Variants in B3GALT1 observed in about 807,000 individuals in gnomAD.
The protein encoded by B3GALT1 is beta-1,3-galactosyltransferase 1, also known as UDP-Gal:betaGlcNAc beta 1,3-galactosyltransferase, polypeptide 1.
In B3GALT1, 10 loss-of-function variants were observed where a neutral mutation model predicts 23.2. The ratio of observed to expected loss-of-function variants is 0.43; its 90% CI spans 0.27 to 0.73. The LOEUF (loss-of-function observed/expected upper bound fraction) is 0.73. Ranked by LOEUF, B3GALT1 falls within the 30% of genes least tolerant of loss-of-function variation. The pLI is 0.21. For missense variants in B3GALT1, 299 were observed against 405.4 expected (o/e 0.74, Z 2.25); for synonymous variants, 156 against 141.5 (o/e 1.10, Z -0.73).
chr2:167,766,193 GAACCAGTGTAA>G (rs1287627623), intron 3 of B3GALT1, among the ~76,000 whole-genome samples: 5 of 152,154 alleles, frequency 3.3e-5, no homozygotes, highest in Non-Finnish European at 7.4e-5. Context: ...ATCAAAGTTG[GAACCAGTGTAA>G]AATAAAGGAC....
chr2:167,656,128 C>G (rs1685952058), intron 3 of B3GALT1, among the ~76,000 whole-genome samples: 1 of 152,042 alleles, frequency 6.6e-6, no homozygotes, highest in Non-Finnish European at 1.5e-5. Context: ...TATGTGAGGA[C>G]AGAATGTTGG....
At chr2:167,652,656 T>C (rs1018160863) in intron 3 of B3GALT1, among the ~76,000 whole-genome samples, 1 of 152,140 alleles carries the variant, frequency 6.6e-6, no homozygotes, top group Non-Finnish European at 1.5e-5. Flanking sequence ...TGGTACATCT[T>C]ATGGTGCCCT....
intron 4 of B3GALT1, among the ~76,000 whole-genome samples, chr2:167,823,398 G>A (rs1250578126): frequency 6.6e-6 from 1 of 152,124 alleles, no homozygotes; most frequent in Non-Finnish European, 1.5e-5. Flanking sequence ...AAATTAAACT[G>A]AGTTGGTGCC....
intron 3 of B3GALT1, among the ~76,000 whole-genome samples, chr2:167,816,863 G>A (rs1489433555): frequency 6.6e-6 from 1 of 152,128 alleles, no homozygotes; most frequent in Non-Finnish European, 1.5e-5. Flanking sequence ...GGTTCATGCA[G>A]ACTAAAAACT....
chr2:167,534,793 T>C (rs1683387618), intron 2 of B3GALT1, among the ~76,000 whole-genome samples: 1 of 152,194 alleles, frequency 6.6e-6, no homozygotes, highest in South Asian at 2.1e-4. Context: ...TTGTGAAGCA[T>C]TGTTAGTACC....
At chr2:167,448,886 T>A (rs1699044199) in intron 1 of B3GALT1, among the ~76,000 whole-genome samples, 1 of 152,212 alleles carries the variant, frequency 6.6e-6, no homozygotes, top group African/African-American at 2.4e-5. Flanking sequence ...TTTTGTTGGC[T>A]TTTTCTAAGA....
At chr2:167,866,895 G>A (rs1480733921) in intron 4 of B3GALT1, among the ~76,000 whole-genome samples, 1 of 152,176 alleles carries the variant, frequency 6.6e-6, no homozygotes, top group Non-Finnish European at 1.5e-5. Context: ...TTTTGTAATT[G>A]AAATGGAGTC....
At chr2:167,597,154 C>T (rs1211229026) in intron 2 of B3GALT1, among the ~76,000 whole-genome samples, 4 of 145,984 alleles carry the variant, frequency 2.7e-5, no homozygotes, top group African/African-American at 1.0e-4. Context: ...CTCTCTCTGT[C>T]GCCCAGGCTG....
intron 2 of B3GALT1, among the ~76,000 whole-genome samples, chr2:167,525,263 T>C (rs1287959267): frequency 6.6e-6 from 1 of 152,238 alleles, no homozygotes; most frequent in Non-Finnish European, 1.5e-5. Context: ...AATTGTGTTT[T>C]GCTGTAGTTT....
chr2:167,472,221 T>C (rs1370604059), intron 1 of B3GALT1, among the ~76,000 whole-genome samples: 1 of 152,160 alleles, frequency 6.6e-6, no homozygotes, highest in Non-Finnish European at 1.5e-5. Flanking sequence ...GATGCCGTTA[T>C]GGGACTTGAA....
intron 1 of B3GALT1, among the ~76,000 whole-genome samples, chr2:167,424,800 A>G (rs1300624592): frequency 6.6e-6 from 1 of 152,230 alleles, no homozygotes; most frequent in Non-Finnish European, 1.5e-5. Context: ...CAATCATAGA[A>G]GACTTACATA....
intron 3 of B3GALT1, among the ~76,000 whole-genome samples, chr2:167,744,617 G>A (rs534122054): frequency 6.6e-6 from 1 of 151,348 alleles, no homozygotes; most frequent in Admixed American, 6.6e-5. Flanking sequence ...CTGAGACAGA[G>A]TTACACTCTT....
intron 2 of B3GALT1, among the ~76,000 whole-genome samples, chr2:167,563,315 C>T (rs868443349): frequency 3.5e-5 from 5 of 142,212 alleles, no homozygotes; most frequent in East Asian, 2.2e-4. Context: ...CGGGCAGAGG[C>T]GCCCCTCACT....
At chr2:167,307,506 A>T (rs950114523) in intron 1 of B3GALT1, among the ~76,000 whole-genome samples, 1 of 151,978 alleles carries the variant, frequency 6.6e-6, no homozygotes, top group East Asian at 1.9e-4. Context: ...AGTAATAAAG[A>T]TGTTATTTTC....
At chr2:167,770,628 G>A (rs968586631) in intron 3 of B3GALT1, among the ~76,000 whole-genome samples, 1 of 152,102 alleles carries the variant, frequency 6.6e-6, no homozygotes, top group African/African-American at 2.4e-5. Context: ...CGTTGATAAA[G>A]TCTAATTTAC....
At chr2:167,717,983 C>G (rs1029003398) in intron 3 of B3GALT1, among the ~76,000 whole-genome samples, 2 of 152,142 alleles carry the variant, frequency 1.3e-5, no homozygotes, top group African/African-American at 2.4e-5. Flanking sequence ...TATATTTCTT[C>G]CTTTTGTATG....
At position 167,487,849 on chromosome 2, in the gene B3GALT1, G is replaced by C. The variant is rs928891845; in HGVS notation, c.-510-2328G>C. 3.3e-5 allele frequency among the ~76,000 whole-genome samples: 5 copies of C among 152,100 alleles called. No individual in the cohort carries two copies. In the East Asian group the frequency reaches 9.6e-4, roughly 29 times the overall value. On this transcript the variant is annotated intron_variant, in intron 1 of 4. Coordinates refer to ENST00000392690, the MANE Select transcript of B3GALT1 (RefSeq NM_020981.4). The stretch of plus-strand genomic sequence containing the variant: ...CACCTGTCACAAGCTTGGATTTATC[G>C]TGAGTATGCATAATGCTTGCTTTTG...
intron 4 of B3GALT1, among the ~76,000 whole-genome samples, chr2:167,852,476 G>T (rs1689921699): frequency 6.7e-6 from 1 of 150,358 alleles, no homozygotes; most frequent in Admixed American, 6.6e-5. Context: ...TGGTGTGTGT[G>T]TGTGTGTGTG....
chr2:167,848,591 C>T (rs901979263), intron 4 of B3GALT1, among the ~76,000 whole-genome samples: 2 of 152,042 alleles, frequency 1.3e-5, no homozygotes, highest in South Asian at 2.1e-4. Context: ...AAGGGACATA[C>T]CTCAATGTAA....
Sources: gnomAD v4.1 joint callset for allele counts (sites outside exome capture counted in the v4.1 genomes callset) on GRCh38, gnomAD v4.1.1 for gene constraint, MANE v1.5 for transcripts, NCBI Gene and HGNC (gene_info 2026-07-23, HGNC 2026-07-21) for gene names.